The following GAS7 variants were observed in gnomAD, a reference collection of about 807,000 sequenced individuals.
The protein encoded by GAS7 is growth arrest specific 7.
In GAS7, 28 loss-of-function variants were observed where a neutral mutation model predicts 71.1. The ratio of observed to expected loss-of-function variants is 0.39; its 90% CI spans 0.29 to 0.54. GAS7 has a LOEUF of 0.54. Among genes scored for constraint, GAS7 ranks in the 20% least tolerant of loss-of-function variants. The probability of loss-of-function intolerance (pLI) is 0.62; values close to 1 mark genes in which losing one functional copy is unlikely to be tolerated. For missense variants in GAS7, 436 were observed against 627.8 expected (o/e 0.69, Z 3.27); for synonymous variants, 258 against 245.8 (o/e 1.05, Z -0.46).
intron 1 of GAS7, among the ~76,000 whole-genome samples, chr17:10,041,158 T>TAAA (rs563870890): frequency 2.5e-4 from 29 of 116,762 alleles, no homozygotes; most frequent in African/African-American, 8.3e-4. Flanking sequence ...CAAGACTGCC[T>TAAA]AAAAAAAAAA....
chr17:10,198,501 G>GGGCGCGCACCCCAGAGAC lies in GAS7; in HGVS notation c.-112_-111insGTCTCTGGGGTGCGCGCC. The GGGCGCGCACCCCAGAGAC allele has an allele frequency of 1.4e-6, 1 of 738,476 alleles. No individual in the cohort carries two copies. Among genetic ancestry groups the GGGCGCGCACCCCAGAGAC allele is most frequent in the Non-Finnish European group, 1.9e-6 (1 of 512,834 alleles). 45.7% of individuals were successfully genotyped at this position (738,476 alleles called of 1,614,324 possible). Reference sequence around the variant, plus strand: ...CCGGCGCTCCGGGCTCCCGCGCTCTGGGCGCGCGCCGTCTCTGGGGTGCGC... The same window carrying GGGCGCGCACCCCAGAGAC: ...CCGGCGCTCCGGGCTCCCGCGCTCTGGGCGCGCACCCCAGAGACGGCGCGCGCCGTCTCTGGGGTGCGC... On this transcript the variant is annotated 5_prime_UTR_variant, in exon 1 of 14. Coordinates refer to ENST00000432992, the MANE Select transcript of GAS7 (RefSeq NM_201433.2).
At chr17:9,917,961 C>T (rs372193859) in intron 13 of GAS7, 40 bp downstream of exon 13, 3 of 1,423,924 alleles carry the variant, frequency 2.1e-6, no homozygotes, top group African/African-American at 1.4e-5. Flanking sequence ...TCTCCCCAGG[C>T]CCCGTGTCGC....
rs2070401079 is a variant in GAS7 at position 9,981,272 on chromosome 17, C to A, written c.385+532G>T. 6.6e-6 allele frequency among the ~76,000 whole-genome samples: 1 copy of A among 152,112 alleles called. No homozygotes were observed. The highest frequency in any genetic ancestry group is 1.5e-5 in the Non-Finnish European group (1 of 68,032). The stretch of plus-strand genomic sequence containing the variant: ...CACCACTGCACTCCAGCCTGGGTGA[C>A]AGAATGAGACCCTGTCTCAAAAGAG... On this transcript the variant is annotated intron_variant, in intron 3 of 13. Coordinates refer to ENST00000432992, the MANE Select transcript of GAS7 (RefSeq NM_201433.2). The surrounding 1 kb of genome is among the most constrained non-coding windows in gnomAD (Gnocchi z 4.4).
At chr17:10,097,278 C>G (rs914971176) in intron 1 of GAS7, among the ~76,000 whole-genome samples, 1 of 152,252 alleles carries the variant, frequency 6.6e-6, no homozygotes, top group African/African-American at 2.4e-5. Context: ...TCAGGGCCCA[C>G]TCACAACATC....
At chr17:10,023,701 C>T (rs1268142553) in intron 1 of GAS7, among the ~76,000 whole-genome samples, 2 of 152,206 alleles carry the variant, frequency 1.3e-5, no homozygotes, top group Admixed American at 6.5e-5. Flanking sequence ...AGAATGGGTA[C>T]ACGTTTTCCC....
In GAS7 at chr17:9,911,256, ATG is replaced by A. The variant is rs1204199510; in HGVS notation, c.*5970_*5971del. 4.3e-6 allele frequency: 1 copy of A among 233,162 alleles called. No individual in the cohort carries two copies. Among genetic ancestry groups the A allele is most frequent in the African/African-American group, 2.2e-5 (1 of 45,306 alleles). The allele number at this position is 233,162 out of a possible 1,614,324, so 14.4% of individuals were successfully genotyped here. ...GAGTGCACGGAGGTCCCGACAGGGGATGTGACTTAACTTCAGGTTATGGGACA... is the reference window on the plus strand; with the variant it reads ...GAGTGCACGGAGGTCCCGACAGGGGATGACTTAACTTCAGGTTATGGGACA... On this transcript the variant is annotated 3_prime_UTR_variant, in exon 14 of 14. Coordinates refer to ENST00000432992, the MANE Select transcript of GAS7 (RefSeq NM_201433.2). This position sits in a 1 kb window ranked among gnomAD's most constrained non-coding sequence, Gnocchi z 4.0.
chr17:10,092,146 G>A (rs1469803863), intron 1 of GAS7, among the ~76,000 whole-genome samples: 5 of 151,772 alleles, frequency 3.3e-5, no homozygotes, highest in South Asian at 2.1e-4. Context: ...CTCTGACTTC[G>A]CACATGTATT....
intron 1 of GAS7, among the ~76,000 whole-genome samples, chr17:10,047,003 T>C (rs1489926321): frequency 6.6e-6 from 1 of 152,072 alleles, no homozygotes; most frequent in African/African-American, 2.4e-5. Flanking sequence ...TGCCACTCCA[T>C]GTCTCTAATT....
At chr17:10,152,918 C>A (rs2074177210) in intron 1 of GAS7, among the ~76,000 whole-genome samples, 1 of 151,576 alleles carries the variant, frequency 6.6e-6, no homozygotes, top group African/African-American at 2.4e-5. Flanking sequence ...AGAAACCTGG[C>A]TGGGCACAGT....
At chr17:10,190,593 AG>A in intron 1 of GAS7, among the ~76,000 whole-genome samples, 1 of 151,474 alleles carries the variant, frequency 6.6e-6, no homozygotes, top group Non-Finnish European at 1.5e-5. Context: ...AAAAAAAAAA[AG>A]AAAAAAAGAA....
intron 1 of GAS7, among the ~76,000 whole-genome samples, chr17:10,174,698 A>AC (rs1389798246): frequency 6.6e-6 from 1 of 152,024 alleles, no homozygotes; most frequent in Non-Finnish European, 1.5e-5. Flanking sequence ...TATCAAAAAA[A>AC]ATAATTAAAA....
Position 9,917,308 on chromosome 17 carries a change from C to T in GAS7, c.1351G>A (p.Val451Met). The stretch of plus-strand genomic sequence containing the variant: ...AGCTCCCTGTCTTTGGCCGGGTCCA[C>T]TTTTCGAAGCAGCTGATCCACGGGC... ...VEPVDQLLRK[V>M]DPAKDRELWV... The change falls in exon 14 of 14, where the codon GTG (valine) becomes ATG (methionine). Residue 451 changes from valine to methionine, a missense_variant. Coordinates refer to ENST00000432992, the MANE Select transcript of GAS7 (RefSeq NM_201433.2). The T allele has an allele frequency of 1.9e-6, 3 of 1,614,084 alleles. No individual in the cohort carries two copies. The highest frequency in any genetic ancestry group is 2.5e-6 in the Non-Finnish European group (3 of 1,179,882).
chr17:10,001,988 G>A (rs2071284209), intron 2 of GAS7, among the ~76,000 whole-genome samples: 1 of 152,100 alleles, frequency 6.6e-6, no homozygotes, highest in South Asian at 2.1e-4. Flanking sequence ...TGAAATGTAG[G>A]GGACAGATTG....
At chr17:10,195,280 G>A (rs965183307) in intron 1 of GAS7, among the ~76,000 whole-genome samples, 14 of 152,178 alleles carry the variant, frequency 9.2e-5, no homozygotes, top group African/African-American at 3.4e-4. Context: ...CTCTCTTGGA[G>A]TTAGCTCCCA....
chr17:10,098,430 G>T (rs1430526625), intron 1 of GAS7, among the ~76,000 whole-genome samples: 1 of 152,224 alleles, frequency 6.6e-6, no homozygotes, highest in Non-Finnish European at 1.5e-5. Context: ...ACCACAAAAT[G>T]AACCTAACGA....
intron 1 of GAS7, among the ~76,000 whole-genome samples, chr17:10,088,854 G>C (rs947356465): frequency 6.6e-6 from 1 of 152,054 alleles, no homozygotes; most frequent in Non-Finnish European, 1.5e-5. Flanking sequence ...GAGACAAGCA[G>C]GATTTGAAAA....
Position 9,911,167 on chromosome 17 carries a change from AC to A in GAS7, c.*6060del. 1 of 233,186 alleles carries A rather than the reference AC, an allele frequency of 4.3e-6. No homozygotes were observed. Among genetic ancestry groups the A allele is most frequent in the Middle Eastern group, 1.3e-3 (1 of 784 alleles). 14.4% of individuals were successfully genotyped at this position (233,186 alleles called of 1,614,324 possible). A position where few individuals can be genotyped will look rare whatever the true frequency, so the allele number is the denominator to read the frequency against. ...GGGTCCACACAGCTGCCTGGAACCC[AC>A]GACTCCCGAGAGCCCGTCTGCTGCA... On this transcript the variant is annotated 3_prime_UTR_variant, in exon 14 of 14. Coordinates refer to ENST00000432992, the MANE Select transcript of GAS7 (RefSeq NM_201433.2). This position sits in a 1 kb window ranked among gnomAD's most constrained non-coding sequence, Gnocchi z 4.0.
At chr17:9,991,245 T>C (rs1475851897) in intron 2 of GAS7, among the ~76,000 whole-genome samples, 1 of 151,818 alleles carries the variant, frequency 6.6e-6, no homozygotes, top group Non-Finnish European at 1.5e-5. Flanking sequence ...AAAAGAGGGG[T>C]GCTAGGGGTG....
chr17:9,954,923 A>T (rs2069170070), intron 5 of GAS7, among the ~76,000 whole-genome samples: 1 of 152,118 alleles, frequency 6.6e-6, no homozygotes. Context: ...GGGCATGGTG[A>T]GAGGTGTGTG....
Sources: gnomAD v4.1 joint callset for allele counts (sites outside exome capture counted in the v4.1 genomes callset) on GRCh38, gnomAD v4.1.1 for gene constraint, Gnocchi (gnomAD v3.1) non-coding constraint, MANE v1.5 for transcripts, NCBI Gene and HGNC (gene_info 2026-07-23, HGNC 2026-07-21) for gene names.